Variants in ATG10 observed in about 807,000 individuals in gnomAD.
The protein encoded by ATG10 is ubiquitin-like-conjugating enzyme ATG10.
In ATG10, 30 loss-of-function variants were observed where a neutral mutation model predicts 32.1. The observed-to-expected ratio is 0.94, with a 90% CI of 0.70 to 1.27. ATG10 has a LOEUF of 1.27. ATG10 is among the 50% of genes most tolerant of loss of function. The pLI is 0.00. For synonymous variants in ATG10, 87 were observed against 91.5 expected, an observed-to-expected ratio of 0.95 and a Z score of 0.28; for missense variants, 233 against 262.3, an observed-to-expected ratio of 0.89 and a Z score of 0.77.
At chr5:82,059,501 C>T (rs1041750690) in intron 3 of ATG10, among the ~76,000 whole-genome samples, 2 of 151,744 alleles carry the variant, frequency 1.3e-5, no homozygotes, top group Non-Finnish European at 2.9e-5. Context: ...GCCTCCATTG[C>T]ATTCCATCCT....
intron 3 of ATG10, among the ~76,000 whole-genome samples, chr5:82,145,155 T>C (rs1767298923): frequency 1.3e-5 from 2 of 152,110 alleles, no homozygotes; most frequent in African/African-American, 4.8e-5. Context: ...TACTTAGTTT[T>C]CTCTTGTAGG....
intron 5 of ATG10, among the ~76,000 whole-genome samples, chr5:82,204,913 G>A (rs566901686): frequency 6.6e-6 from 1 of 151,994 alleles, no homozygotes; most frequent in East Asian, 1.9e-4. Context: ...AATGGTAATT[G>A]AAGCCATGAG....
intron 3 of ATG10, among the ~76,000 whole-genome samples, chr5:82,084,740 T>C (rs918284079): frequency 6.6e-6 from 1 of 152,152 alleles, no homozygotes; most frequent in East Asian, 1.9e-4. Flanking sequence ...CTAAGCTTCA[T>C]AAGTGAAGGA....
intron 2 of ATG10, among the ~76,000 whole-genome samples, chr5:81,999,181 C>T (rs1365178707): frequency 6.8e-6 from 1 of 147,660 alleles, no homozygotes; most frequent in Non-Finnish European, 1.5e-5. Context: ...CAAAATCATA[C>T]CAACCACACT....
intron 2 of ATG10, 106 bp from the exon 3 acceptor site, chr5:82,058,389 T>C: frequency 2.6e-6 from 2 of 769,474 alleles, no homozygotes; most frequent in South Asian, 3.4e-5. Context: ...TTAGTACATT[T>C]AGTTTTTCAC....
intron 5 of ATG10, 50 bp downstream of exon 5, chr5:82,178,637 C>T (rs1011384412): frequency 7.4e-6 from 9 of 1,220,236 alleles, no homozygotes; most frequent in African/African-American, 3.0e-5. Flanking sequence ...TATTCTTTCC[C>T]GCTGCTCATC....
chr5:82,174,861 A>C (rs1743948423), intron 4 of ATG10, among the ~76,000 whole-genome samples: 1 of 152,150 alleles, frequency 6.6e-6, no homozygotes, highest in South Asian at 2.1e-4. Flanking sequence ...TGCTAAAGAG[A>C]CTGCAGTGGC....
chr5:82,111,618 T>G (rs1399558598), intron 3 of ATG10, among the ~76,000 whole-genome samples: 1 of 151,984 alleles, frequency 6.6e-6, no homozygotes, highest in East Asian at 1.9e-4. Flanking sequence ...TGAATTAAAT[T>G]GAAGCCTTAT....
At chr5:82,223,453 C>G (rs1746003370) in intron 5 of ATG10, among the ~76,000 whole-genome samples, 1 of 152,118 alleles carries the variant, frequency 6.6e-6, no homozygotes, top group Non-Finnish European at 1.5e-5. Context: ...GTGAAAGACT[C>G]TCCTAAATGT....
intron 3 of ATG10, among the ~76,000 whole-genome samples, chr5:82,146,836 T>C (rs1048497651): frequency 5.9e-5 from 9 of 152,196 alleles, no homozygotes; most frequent in Non-Finnish European, 8.8e-5. Flanking sequence ...TTTTCCTCAG[T>C]GAGCATACTT....
chr5:82,063,108 C>T (rs1185634136), intron 3 of ATG10, among the ~76,000 whole-genome samples: 3 of 151,998 alleles, frequency 2.0e-5, no homozygotes, highest in African/African-American at 7.2e-5. Flanking sequence ...TGCTTGAGGC[C>T]AGGAGTTTGA....
intron 5 of ATG10, among the ~76,000 whole-genome samples, chr5:82,207,532 T>G (rs1477286747): frequency 6.6e-6 from 1 of 152,226 alleles, no homozygotes; most frequent in African/African-American, 2.4e-5. Context: ...AGGTATGAGT[T>G]CTTTGATGGA....
At chr5:82,066,023 G>A (rs1439764165) in intron 3 of ATG10, among the ~76,000 whole-genome samples, 1 of 151,728 alleles carries the variant, frequency 6.6e-6, no homozygotes, top group Non-Finnish European at 1.5e-5. Flanking sequence ...CTCAGTAAAA[G>A]GAAACAGTAT....
intron 5 of ATG10, among the ~76,000 whole-genome samples, chr5:82,197,787 A>T (rs1380684160): frequency 6.7e-6 from 1 of 150,094 alleles, no homozygotes; most frequent in Admixed American, 6.7e-5. Flanking sequence ...TATAGATAAA[A>T]TGATTTGTTC....
chr5:82,124,840 G>C (rs910214197), intron 3 of ATG10, among the ~76,000 whole-genome samples: 2 of 152,024 alleles, frequency 1.3e-5, no homozygotes, highest in African/African-American at 4.8e-5. Context: ...AGTATTTCTG[G>C]TTCTAGATCC....
intron 2 of ATG10, among the ~76,000 whole-genome samples, chr5:82,003,806 G>A (rs1761915577): frequency 6.6e-6 from 1 of 152,152 alleles, no homozygotes; most frequent in African/African-American, 2.4e-5. Flanking sequence ...GATTTGATGA[G>A]GGAAAGTCCT....
chr5:82,056,291 G>T (rs1763592098), intron 2 of ATG10, among the ~76,000 whole-genome samples: 1 of 152,124 alleles, frequency 6.6e-6, no homozygotes. Flanking sequence ...CCATGTAATT[G>T]AAAAATCTGA....
intron 5 of ATG10, among the ~76,000 whole-genome samples, chr5:82,218,438 A>G (rs1486486900): frequency 6.6e-6 from 1 of 152,110 alleles, no homozygotes; most frequent in Non-Finnish European, 1.5e-5. Context: ...TTGCTATTAT[A>G]GTTTGCTTTT....
At chr5:82,018,460 A>T (rs1161093409) in intron 2 of ATG10, among the ~76,000 whole-genome samples, 1 of 152,204 alleles carries the variant, frequency 6.6e-6, no homozygotes, top group East Asian at 1.9e-4. Flanking sequence ...TTAAAATACA[A>T]GTCAGATTGT....
Sources: allele counts gnomAD v4.1 joint callset (sites outside exome capture counted in the v4.1 genomes callset), GRCh38; gene constraint gnomAD v4.1.1; transcripts MANE v1.5; gene names NCBI Gene and HGNC (gene_info 2026-07-23, HGNC 2026-07-21).